KANSL1: variants seen among roughly 807,000 people sequenced by gnomAD.
KANSL1 encodes the protein MLL1/MLL complex subunit KANSL1.
In KANSL1, 22 loss-of-function variants were observed where a neutral mutation model predicts 103.6. The observed-to-expected ratio is 0.21, with a 90% CI of 0.15 to 0.30. The LOEUF (loss-of-function observed/expected upper bound fraction) is 0.30. Among genes scored for constraint, KANSL1 ranks in the 10% least tolerant of loss-of-function variants. The pLI is 1.00. For missense variants in KANSL1, 1,337 were observed against 1,399.8 expected (o/e 0.96, Z 0.72); for synonymous variants, 600 against 527.6 (o/e 1.14, Z -1.88).
intron 4 of KANSL1, among the ~76,000 whole-genome samples, chr17:46,078,323 C>T (rs1272867687): frequency 1.3e-5 from 2 of 152,210 alleles, no homozygotes; most frequent in African/African-American, 4.8e-5. Context: ...CTGCATTAGG[C>T]AATGATGATC....
chr17:46,179,434 TC>T (rs2046678245), intron 1 of KANSL1, among the ~76,000 whole-genome samples: 1 of 150,578 alleles, frequency 6.6e-6, no homozygotes, highest in Non-Finnish European at 1.5e-5. Flanking sequence ...GAATAGGTCA[TC>T]CAGGTGGCCA....
At chr17:46,174,390 G>C (rs1428986791) in intron 1 of KANSL1, among the ~76,000 whole-genome samples, 4 of 152,142 alleles carry the variant, frequency 2.6e-5, no homozygotes, top group Non-Finnish European at 5.9e-5. Context: ...TCACCATGTT[G>C]GCCAGGATGG....
intron 1 of KANSL1, among the ~76,000 whole-genome samples, chr17:46,203,938 G>C (rs1258237650): frequency 1.3e-5 from 2 of 152,190 alleles, no homozygotes; most frequent in Admixed American, 1.3e-4. Flanking sequence ...CTACTTGGGA[G>C]GCTGAGGTGG....
At chr17:46,058,084 A>C (rs2077996008) in intron 6 of KANSL1, among the ~76,000 whole-genome samples, 1 of 152,230 alleles carries the variant, frequency 6.6e-6, no homozygotes, top group South Asian at 2.1e-4. Flanking sequence ...TTCTCACTAG[A>C]TCAGAATTCA....
intron 2 of KANSL1, among the ~76,000 whole-genome samples, chr17:46,161,000 AAATT>A (rs1280616888): frequency 6.6e-6 from 1 of 152,238 alleles, no homozygotes; most frequent in Non-Finnish European, 1.5e-5. Context: ...AGGATTACAT[AAATT>A]AATTTGTAAA....
chr17:46,155,155 ATTTTTTTTTTTT>A (rs33974360), intron 2 of KANSL1, among the ~76,000 whole-genome samples: 1 of 103,854 alleles, frequency 9.6e-6, no homozygotes. Flanking sequence ...TCAGCCAGGG[ATTTTTTTTTTTT>A]TTTTTTTTTT....
intron 6 of KANSL1, among the ~76,000 whole-genome samples, chr17:46,062,134 A>AAAAAAAAAAAAAAAAAC (rs67483415): frequency 7.5e-6 from 1 of 132,750 alleles, no homozygotes; most frequent in Non-Finnish European, 1.6e-5. Context: ...AAAAAAAAAA[A>AAAAAAAAAAAAAAAAAC]CATGTTACAG....
intron 2 of KANSL1, among the ~76,000 whole-genome samples, chr17:46,157,230 C>T (rs1337857573): frequency 4.6e-5 from 7 of 152,218 alleles, no homozygotes; most frequent in Admixed American, 1.3e-4. Context: ...CCCCTGATCA[C>T]TGTTTAAGTA....
At chr17:46,149,080 G>A (rs2044919009) in intron 2 of KANSL1, among the ~76,000 whole-genome samples, 1 of 148,602 alleles carries the variant, frequency 6.7e-6, no homozygotes, top group Admixed American at 6.7e-5. Flanking sequence ...TTGGCTCACT[G>A]CAAGCTCCAC....
intron 2 of KANSL1, among the ~76,000 whole-genome samples, chr17:46,129,070 T>A (rs1165481441): frequency 6.6e-6 from 1 of 151,218 alleles, no homozygotes; most frequent in African/African-American, 2.4e-5. Flanking sequence ...GCCAATGGAA[T>A]AGAATGTAGA....
intron 2 of KANSL1, among the ~76,000 whole-genome samples, chr17:46,111,259 G>T (rs187156754): frequency 1.3e-5 from 2 of 152,190 alleles, no homozygotes; most frequent in Admixed American, 6.5e-5. Context: ...CGTCCAGGCT[G>T]GAGTGCGATG....
At chr17:46,098,959 A>G (rs1342259836) in intron 2 of KANSL1, among the ~76,000 whole-genome samples, 6 of 152,204 alleles carry the variant, frequency 3.9e-5, no homozygotes, top group Non-Finnish European at 8.8e-5. Context: ...ATGTTACCAT[A>G]CTCCAGTGGC....
chr17:46,123,506 G>C (rs986458784), intron 2 of KANSL1, among the ~76,000 whole-genome samples: 2 of 152,212 alleles, frequency 1.3e-5, no homozygotes, highest in Non-Finnish European at 2.9e-5. Context: ...AAATGCAAAA[G>C]TTCTTGGAGA....
At chr17:46,210,855 C>A (rs1176246569) in intron 1 of KANSL1, among the ~76,000 whole-genome samples, 1 of 152,126 alleles carries the variant, frequency 6.6e-6, no homozygotes, top group Non-Finnish European at 1.5e-5. Context: ...AGTATAAAAG[C>A]TGTCTAAATA....
At chr17:46,073,639 T>C (rs58810165) in intron 4 of KANSL1, among the ~76,000 whole-genome samples, 21,419 of 151,680 alleles carry the variant, frequency 0.14, 1,702 homozygotes, top group East Asian at 0.38. Flanking sequence ...AAATTAACAA[T>C]GCGGGGTGGG....
chr17:46,202,616 G>A (rs150948713), intron 1 of KANSL1, among the ~76,000 whole-genome samples: 2 of 152,222 alleles, frequency 1.3e-5, no homozygotes, highest in East Asian at 3.9e-4. Context: ...ATTGTCATGG[G>A]TACAATATTA....
intron 1 of KANSL1, among the ~76,000 whole-genome samples, chr17:46,179,826 T>C (rs1353024733): frequency 2.0e-5 from 3 of 152,172 alleles, no homozygotes; most frequent in African/African-American, 7.2e-5. Context: ...CCCAGGACTT[T>C]GGGAGGCTGA....
At chr17:46,040,630 A>C (rs1394517349) in intron 7 of KANSL1, 1 of 152,224 alleles carries the variant, frequency 6.6e-6, no homozygotes. Context: ...TTAAGAGGGA[A>C]TCGGATTCTT....
chr17:46,130,806 T>C (rs1014547228), intron 2 of KANSL1, among the ~76,000 whole-genome samples: 7 of 152,222 alleles, frequency 4.6e-5, no homozygotes, highest in Non-Finnish European at 7.4e-5. Context: ...CTCTTTCCCC[T>C]CCCTCATCAC....
Sources: gnomAD v4.1 joint callset for allele counts (sites outside exome capture counted in the v4.1 genomes callset) on GRCh38, gnomAD v4.1.1 for gene constraint, MANE v1.5 for transcripts, NCBI Gene and HGNC (gene_info 2026-07-23, HGNC 2026-07-21) for gene names.